NPEPPS: variants seen among roughly 807,000 people sequenced by gnomAD.
NPEPPS encodes aminopeptidase puromycin sensitive, also known as puromycin-sensitive aminopeptidase.
Under a neutral mutation model 115.5 loss-of-function variants are expected in NPEPPS, and 14 were observed. That is an observed-to-expected ratio of 0.12 (90% CI 0.08 to 0.19). NPEPPS has a LOEUF of 0.19. NPEPPS is among the 10% of genes least tolerant of loss of function. The probability of loss-of-function intolerance (pLI) is 1.00; values close to 1 mark genes in which losing one functional copy is unlikely to be tolerated. For synonymous variants in NPEPPS, 285 were observed against 390.6 expected (o/e 0.73, Z 3.19); for missense variants, 523 against 1,110.8 (o/e 0.47, Z 7.52).
intron 1 of NPEPPS, among the ~76,000 whole-genome samples, chr17:47,537,618 G>A (rs188425394): frequency 6.6e-6 from 1 of 152,018 alleles, no homozygotes; most frequent in South Asian, 2.1e-4. Flanking sequence ...GCTTGAACTC[G>A]GGAAGCGGAG....
chr17:47,525,837 A>G (rs1401602312), intron 1 of NPEPPS, among the ~76,000 whole-genome samples: 1 of 152,194 alleles, frequency 6.6e-6, no homozygotes, highest in Non-Finnish European at 1.5e-5. Context: ...AGGGTCCAGT[A>G]CTGAGAGTAA....
At chr17:47,601,973 G>GAA (rs1164710556) in intron 15 of NPEPPS, 437 of 341,712 alleles carry the variant, frequency 1.3e-3, no homozygotes, top group South Asian at 2.1e-3. Flanking sequence ...AGGAGGAGAA[G>GAA]AAAAAAAAAA....
chr17:47,564,270 A>G (rs1272848880), intron 2 of NPEPPS, among the ~76,000 whole-genome samples: 1 of 152,118 alleles, frequency 6.6e-6, no homozygotes, highest in Admixed American at 6.5e-5. Flanking sequence ...GTATACTCCT[A>G]TAATCTCAGC....
chr17:47,524,475 C>T (rs1358139772), intron 1 of NPEPPS, among the ~76,000 whole-genome samples: 1 of 151,780 alleles, frequency 6.6e-6, no homozygotes, highest in Non-Finnish European at 1.5e-5. Context: ...AGGCATAGGC[C>T]ACCACACCCA....
At chr17:47,539,447 A>T (rs1393311991) in intron 1 of NPEPPS, among the ~76,000 whole-genome samples, 1 of 152,178 alleles carries the variant, frequency 6.6e-6, no homozygotes, top group Non-Finnish European at 1.5e-5. Context: ...ATATTTTAGA[A>T]ATACAAGAAA....
chr17:47,618,872 C>T (rs992327263), intron 20 of NPEPPS, 137 bp from the exon 21 acceptor site: 2 of 772,834 alleles, frequency 2.6e-6, no homozygotes, highest in African/African-American at 3.5e-5. Context: ...TTGCTGAGAA[C>T]TTCTGGTTCC....
chr17:47,593,903 C>T (rs1159891793), intron 12 of NPEPPS, among the ~76,000 whole-genome samples: 1 of 152,126 alleles, frequency 6.6e-6, no homozygotes, highest in Non-Finnish European at 1.5e-5. Context: ...GCCTATAATC[C>T]CAGCACTTTG....
At chr17:47,574,940 A>G (rs1393718914) in intron 3 of NPEPPS, among the ~76,000 whole-genome samples, 1 of 152,180 alleles carries the variant, frequency 6.6e-6, no homozygotes, top group Non-Finnish European at 1.5e-5. Flanking sequence ...AGATAAACTA[A>G]GGCAGAAAAA....
intron 9 of NPEPPS, 66 bp downstream of exon 9, chr17:47,587,410 A>C: frequency 7.1e-7 from 1 of 1,406,202 alleles, no homozygotes; most frequent in South Asian, 1.6e-5. Flanking sequence ...TTTTGGCTAC[A>C]TAGTATTTCA....
chr17:47,616,454 C>T (rs542321580), intron 19 of NPEPPS, among the ~76,000 whole-genome samples: 2 of 152,082 alleles, frequency 1.3e-5, no homozygotes, highest in South Asian at 2.1e-4. Flanking sequence ...GAGGCCGAGG[C>T]GGGTGTGGAT....
chr17:47,608,662 G>T (rs1052951985), intron 17 of NPEPPS, among the ~76,000 whole-genome samples: 1 of 152,160 alleles, frequency 6.6e-6, no homozygotes. Context: ...GTAAGTAGAA[G>T]AAAGTGGTCT....
intron 1 of NPEPPS, chr17:47,523,069 A>G: frequency 2.3e-6 from 2 of 865,598 alleles, no homozygotes; most frequent in East Asian, 2.6e-5. Flanking sequence ...CGCAGGTAAG[A>G]CACATATTAG....
At chr17:47,613,289 G>A (rs1303860443) in intron 18 of NPEPPS, among the ~76,000 whole-genome samples, 2 of 129,222 alleles carry the variant, frequency 1.5e-5, no homozygotes, top group Admixed American at 8.7e-5. Flanking sequence ...TTTCTGAGAC[G>A]GAGTCTCACT....
intron 10 of NPEPPS, chr17:47,591,755 A>G (rs1483723720): frequency 2.2e-6 from 1 of 457,474 alleles, no homozygotes; most frequent in East Asian, 3.8e-5. Context: ...CCCAGGCTCT[A>G]AGGGATGACA....
At chr17:47,596,544 C>A in intron 13 of NPEPPS, 82 bp downstream of exon 13, 1 of 798,380 alleles carries the variant, frequency 1.3e-6, no homozygotes, top group Non-Finnish European at 1.9e-6. Context: ...CTTTTCTGTA[C>A]TTTAAGTTTT....
chr17:47,545,244 G>A (rs1180466261), intron 1 of NPEPPS, among the ~76,000 whole-genome samples: 1 of 152,078 alleles, frequency 6.6e-6, no homozygotes, highest in Non-Finnish European at 1.5e-5. Context: ...TAATCCTCCT[G>A]CCTCAGCCTC....
intron 17 of NPEPPS, among the ~76,000 whole-genome samples, chr17:47,610,845 CTTTTTTTTTT>C (rs59893483): frequency 1.1e-3 from 110 of 100,076 alleles, no homozygotes; most frequent in Middle Eastern, 0.012. Context: ...TATGATGACT[CTTTTTTTTTT>C]TTTTTTTTTT....
At position 47,622,947 on chromosome 17, in the gene NPEPPS, AT is replaced by A. The variant is rs1914680718; in HGVS notation, c.*1029del. The A allele has an allele frequency of 2.2e-6, 1 of 455,846 alleles. No individual in the cohort carries two copies. The highest frequency in any genetic ancestry group is 2.4e-5 in the Admixed American group (1 of 42,518). 28.2% of individuals were successfully genotyped at this position (455,846 alleles called of 1,614,324 possible). A position where few individuals can be genotyped will look rare whatever the true frequency, so the allele number is the denominator to read the frequency against. On this transcript the variant is annotated 3_prime_UTR_variant, in exon 23 of 23. Transcript: ENST00000322157. ...TGGTAACTGCTGCAGGGCTTAATACATTAGTGGTAACTGGTTTAAAAAACAA... is the reference window on the plus strand; with the variant it reads ...TGGTAACTGCTGCAGGGCTTAATACATAGTGGTAACTGGTTTAAAAAACAA...
At chr17:47,600,703 ACT>A (rs1913141960) in intron 14 of NPEPPS, among the ~76,000 whole-genome samples, 1 of 151,770 alleles carries the variant, frequency 6.6e-6, no homozygotes, top group Admixed American at 6.6e-5. Flanking sequence ...CTGGGCAAGG[ACT>A]CTTTTTTTGT....
Sources: gnomAD v4.1 joint callset for allele counts (sites outside exome capture counted in the v4.1 genomes callset) on GRCh38, gnomAD v4.1.1 for gene constraint, MANE v1.5 for transcripts, NCBI Gene and HGNC (gene_info 2026-07-23, HGNC 2026-07-21) for gene names.